GRM8: variants seen among roughly 807,000 people sequenced by gnomAD.
GRM8 encodes the protein metabotropic glutamate receptor 8.
GRM8 carries 47 observed loss-of-function variants against 87.2 expected under a neutral mutation model. That is an observed-to-expected ratio of 0.54 (90% CI 0.43 to 0.69). GRM8 has a LOEUF of 0.69. Among genes scored for constraint, GRM8 ranks in the 30% least tolerant of loss-of-function variants. GRM8 has a pLI of 0.00. For missense variants in GRM8, 1,019 were observed against 1,139.2 expected, an observed-to-expected ratio of 0.89 and a Z score of 1.52; for synonymous variants, 396 against 404.5, an observed-to-expected ratio of 0.98 and a Z score of 0.25.
chr7:126,457,013 G>C (rs373890633), intron 9 of GRM8, among the ~76,000 whole-genome samples: 2 of 151,378 alleles, frequency 1.3e-5, no homozygotes, highest in African/African-American at 4.8e-5. Context: ...TAACATAAAT[G>C]TATTGAAGAA....
intron 8 of GRM8, among the ~76,000 whole-genome samples, chr7:126,595,188 A>T (rs193034835): frequency 9.2e-5 from 14 of 151,938 alleles, no homozygotes; most frequent in Non-Finnish European, 2.1e-4. Flanking sequence ...TCAGAGGTAC[A>T]TGTGAAGTTT....
At chr7:126,871,640 C>G (rs1799107304) in intron 6 of GRM8, among the ~76,000 whole-genome samples, 1 of 152,142 alleles carries the variant, frequency 6.6e-6, no homozygotes, top group Non-Finnish European at 1.5e-5. Flanking sequence ...TTACTTTGTT[C>G]TCTATGTGGT....
intron 6 of GRM8, among the ~76,000 whole-genome samples, chr7:126,812,195 C>A (rs1024880328): frequency 6.6e-6 from 1 of 151,808 alleles, no homozygotes; most frequent in African/African-American, 2.4e-5. Flanking sequence ...ATTTGCATAG[C>A]ATTTACATAT....
chr7:126,527,872 A>G (rs561959849), intron 9 of GRM8, among the ~76,000 whole-genome samples: 2 of 152,230 alleles, frequency 1.3e-5, no homozygotes, highest in African/African-American at 4.8e-5. Flanking sequence ...AACTGCTGTA[A>G]TCTGTAAGAT....
chr7:126,448,847 G>A (rs1433963788), intron 9 of GRM8, among the ~76,000 whole-genome samples: 1 of 151,836 alleles, frequency 6.6e-6, no homozygotes, highest in Non-Finnish European at 1.5e-5. Context: ...AGAACACATG[G>A]AGACATAGAG....
intron 6 of GRM8, among the ~76,000 whole-genome samples, chr7:126,781,836 C>T (rs968079211): frequency 1.3e-5 from 2 of 152,078 alleles, no homozygotes; most frequent in African/African-American, 2.4e-5. Context: ...CTATTTCAGC[C>T]TCCCAAGTAG....
chr7:126,689,011 CT>C (rs1808495908), intron 7 of GRM8, among the ~76,000 whole-genome samples: 1 of 152,160 alleles, frequency 6.6e-6, no homozygotes, highest in African/African-American at 2.4e-5. Context: ...CCTCAGAAAA[CT>C]CTGGAAAACA....
At chr7:126,966,980 T>C (rs1338130509) in intron 3 of GRM8, among the ~76,000 whole-genome samples, 4 of 152,184 alleles carry the variant, frequency 2.6e-5, no homozygotes, top group African/African-American at 9.7e-5. Flanking sequence ...ATGTCCCCTT[T>C]AGGCCCAACC....
chr7:126,954,054 C>T (rs1808439020), intron 3 of GRM8, among the ~76,000 whole-genome samples: 1 of 152,184 alleles, frequency 6.6e-6, no homozygotes, highest in South Asian at 2.1e-4. Context: ...AACGCTGGCA[C>T]ACAGAGCAGC....
intron 3 of GRM8, among the ~76,000 whole-genome samples, chr7:127,038,295 A>G (rs577621078): frequency 3.9e-5 from 6 of 152,330 alleles, no homozygotes; most frequent in East Asian, 3.9e-4. Flanking sequence ...GAAGAAAAAT[A>G]TAAGACAATA....
chr7:126,807,874 T>C (rs1266401855), intron 6 of GRM8, among the ~76,000 whole-genome samples: 3 of 152,090 alleles, frequency 2.0e-5, no homozygotes, highest in African/African-American at 2.4e-5. Flanking sequence ...CTACAACCCA[T>C]AGATACTTGA....
chr7:126,597,279 GTCT>G (rs1797301279), intron 8 of GRM8, among the ~76,000 whole-genome samples: 2 of 151,980 alleles, frequency 1.3e-5, no homozygotes, highest in African/African-American at 2.4e-5. Context: ...TTTTTCTTTT[GTCT>G]TGCTTTTATA....
At chr7:127,055,437 C>A (rs1819886364) in intron 3 of GRM8, among the ~76,000 whole-genome samples, 1 of 152,162 alleles carries the variant, frequency 6.6e-6, no homozygotes. Context: ...GGTAGAGGGA[C>A]AAAAGGCTGA....
chr7:126,932,889 C>T (rs545013905), intron 3 of GRM8, among the ~76,000 whole-genome samples: 15 of 151,960 alleles, frequency 9.9e-5, no homozygotes, highest in Admixed American at 3.3e-4. Context: ...CTCAAATGTC[C>T]GATTAAGACA....
At chr7:126,846,202 T>C (rs979789569) in intron 6 of GRM8, among the ~76,000 whole-genome samples, 2 of 151,244 alleles carry the variant, frequency 1.3e-5, no homozygotes, top group African/African-American at 4.9e-5. Context: ...GATTTAAGAG[T>C]TTGTCAAGGA....
intron 7 of GRM8, among the ~76,000 whole-genome samples, chr7:126,769,041 G>A (rs942059182): frequency 2.6e-5 from 4 of 151,962 alleles, no homozygotes; most frequent in South Asian, 2.1e-4. Flanking sequence ...TATGATAGAC[G>A]GTGCAGTGCT....
At position 126,646,485 on chromosome 7, in the gene GRM8, CCT is replaced by C. The variant is rs560767992; in HGVS notation, c.1358-36989_1358-36988del. ...TCCTTCATCCCTCTGTAATTTCCTC[CCT>C]CTCTCAGCATTGAAACTTCCATTTC... On this transcript the variant is annotated intron_variant, in intron 7 of 10. Transcript: ENST00000339582. Among the ~76,000 whole-genome samples the C allele has an allele frequency of 3.2e-4, 49 of 152,274 alleles. 1 individual carries two copies. The South Asian group carries it at 4.6e-3, about 14-fold the overall frequency.
At chr7:126,862,066 C>T (rs986534942) in intron 6 of GRM8, among the ~76,000 whole-genome samples, 1 of 151,794 alleles carries the variant, frequency 6.6e-6, no homozygotes, top group African/African-American at 2.4e-5. Context: ...ATAGATTCCC[C>T]TATATTTTCT....
chr7:127,196,834 C>T (rs867979622), intron 2 of GRM8, among the ~76,000 whole-genome samples: 32 of 152,130 alleles, frequency 2.1e-4, no homozygotes, highest in Non-Finnish European at 3.1e-4. Context: ...AATAAGAGTG[C>T]TATCATATGG....
Sources: allele counts gnomAD v4.1 joint callset (sites outside exome capture counted in the v4.1 genomes callset), GRCh38; gene constraint gnomAD v4.1.1; transcripts MANE v1.5; gene names NCBI Gene and HGNC (gene_info 2026-07-23, HGNC 2026-07-21).